The following ETV6 variants were observed in gnomAD, a reference collection of about 807,000 sequenced individuals.
ETV6 encodes ETS variant transcription factor 6, also known as transcription factor ETV6.
ETV6 carries 16 observed loss-of-function variants against 51.1 expected under a neutral mutation model. That is an observed-to-expected ratio of 0.31 (90% CI 0.21 to 0.48). The LOEUF (loss-of-function observed/expected upper bound fraction) is 0.48, where lower values mean the gene tolerates loss of function less well. Among genes scored for constraint, ETV6 ranks in the 20% least tolerant of loss-of-function variants. The pLI, the probability that ETV6 is intolerant of heterozygous loss-of-function variation, is 0.99. For missense variants in ETV6, 458 were observed against 594.8 expected, an observed-to-expected ratio of 0.77 and a Z score of 2.39; for synonymous variants, 240 against 224.1, an observed-to-expected ratio of 1.07 and a Z score of -0.64.
chr12:11,758,859 C>G (rs1428790748), intron 2 of ETV6, among the ~76,000 whole-genome samples: 2 of 152,234 alleles, frequency 1.3e-5, no homozygotes, highest in African/African-American at 4.8e-5. Context: ...CAGCCACTAG[C>G]ATTTTCTACT....
intron 1 of ETV6, among the ~76,000 whole-genome samples, chr12:11,743,023 G>T (rs1051133139): frequency 6.6e-6 from 1 of 151,950 alleles, no homozygotes; most frequent in Non-Finnish European, 1.5e-5. Context: ...GCCCAGGCTG[G>T]TCTCGAACTA....
chr12:11,768,102 G>A (rs548827056), intron 2 of ETV6, among the ~76,000 whole-genome samples: 23 of 151,800 alleles, frequency 1.5e-4, no homozygotes, highest in African/African-American at 5.6e-4. Context: ...CAGTCCCAGT[G>A]TTGACTGGTT....
intron 2 of ETV6, among the ~76,000 whole-genome samples, chr12:11,837,255 C>T (rs1463704199): frequency 6.6e-6 from 1 of 152,052 alleles, no homozygotes; most frequent in Non-Finnish European, 1.5e-5. Flanking sequence ...AGTAATGCAC[C>T]ATAAATTATT....
intron 3 of ETV6, among the ~76,000 whole-genome samples, chr12:11,848,625 C>T (rs1310210362): frequency 2.0e-5 from 3 of 152,190 alleles, no homozygotes; most frequent in Non-Finnish European, 4.4e-5. Flanking sequence ...TGTGTGCGCA[C>T]GCGCGTGTGC....
intron 3 of ETV6, among the ~76,000 whole-genome samples, chr12:11,842,748 A>T (rs75374251): frequency 0.01 from 1,562 of 152,314 alleles, 26 homozygotes; most frequent in African/African-American, 0.035. Context: ...GGGTAGATTC[A>T]TTGGCTTACT....
At chr12:11,704,952 C>T (rs1415929025) in intron 1 of ETV6, among the ~76,000 whole-genome samples, 1 of 152,108 alleles carries the variant, frequency 6.6e-6, no homozygotes, top group African/African-American at 2.4e-5. Flanking sequence ...CAGAAAGAAA[C>T]ATATTGTATG....
chr12:11,661,986 G>T (rs1864108331), intron 1 of ETV6, among the ~76,000 whole-genome samples: 1 of 152,232 alleles, frequency 6.6e-6, no homozygotes, highest in Non-Finnish European at 1.5e-5. Context: ...GCAGCGTGCT[G>T]TAAGAGTATC....
At chr12:11,885,633 A>C (rs1947171965) in intron 6 of ETV6, among the ~76,000 whole-genome samples, 1 of 152,230 alleles carries the variant, frequency 6.6e-6, no homozygotes, top group South Asian at 2.1e-4. Flanking sequence ...TCTTGGGAAA[A>C]GGAAATAAGC....
intron 2 of ETV6, among the ~76,000 whole-genome samples, chr12:11,769,549 T>C (rs1945211042): frequency 6.6e-6 from 1 of 152,164 alleles, no homozygotes; most frequent in South Asian, 2.1e-4. Context: ...TTCGAGTTCA[T>C]AGTAAGGGGA....
At position 11,742,414 on chromosome 12, in the gene ETV6, T is replaced by C. The variant is rs187930255; in HGVS notation, c.34-10036T>C. ...ATTCCTAAGAATCAGGAAATTTCTA[T>C]GATATTTGACAAGTATAGGTAGAAA... is the stretch of plus-strand genomic sequence containing the variant. On this transcript the variant is annotated intron_variant, in intron 1 of 7. Coordinates refer to ENST00000396373, the MANE Select transcript of ETV6 (RefSeq NM_001987.5). 1.4e-4 allele frequency among the ~76,000 whole-genome samples: 21 copies of C among 152,338 alleles called. 1 individual carries two copies. In the South Asian group the frequency reaches 2.5e-3, roughly 18 times the overall value.
intron 5 of ETV6, among the ~76,000 whole-genome samples, chr12:11,878,599 T>C (rs1036828201): frequency 1.3e-5 from 2 of 152,114 alleles, no homozygotes; most frequent in African/African-American, 4.8e-5. Context: ...GTGGTTCTTC[T>C]GCCCCAGGAA....
intron 2 of ETV6, among the ~76,000 whole-genome samples, chr12:11,831,050 T>G (rs1195075698): frequency 3.9e-5 from 6 of 152,204 alleles, no homozygotes; most frequent in Non-Finnish European, 5.9e-5. Context: ...TCAGAGTCAT[T>G]TGGGCTGCTC....
intron 2 of ETV6, among the ~76,000 whole-genome samples, chr12:11,827,476 G>A (rs1427687125): frequency 6.6e-6 from 1 of 152,088 alleles, no homozygotes; most frequent in African/African-American, 2.4e-5. Context: ...GTCCCTATGT[G>A]TATTTTCTGA....
At chr12:11,769,538 T>C (rs2136349921) in intron 2 of ETV6, among the ~76,000 whole-genome samples, 1 of 152,286 alleles carries the variant, frequency 6.6e-6, no homozygotes, top group South Asian at 2.1e-4. Flanking sequence ...GTAGGTGTCA[T>C]TTCGAGTTCA....
At chr12:11,689,704 T>C (rs1290879566) in intron 1 of ETV6, among the ~76,000 whole-genome samples, 2 of 152,014 alleles carry the variant, frequency 1.3e-5, no homozygotes, top group Non-Finnish European at 2.9e-5. Context: ...CTTTCTGCCA[T>C]GTCTTTTGTG....
At chr12:11,842,095 AAAAG>A (rs1281678424) in intron 3 of ETV6, among the ~76,000 whole-genome samples, 47 of 147,666 alleles carry the variant, frequency 3.2e-4, no homozygotes, top group African/African-American at 1.1e-3. Context: ...AAAAAAAAAA[AAAAG>A]AAGAAGAAGG....
intron 1 of ETV6, among the ~76,000 whole-genome samples, chr12:11,714,984 A>G (rs1173162929): frequency 1.3e-5 from 2 of 152,186 alleles, no homozygotes; most frequent in Non-Finnish European, 2.9e-5. Context: ...CAGTTTGGAG[A>G]TGATTAAAGA....
At chr12:11,692,728 G>A (rs1484405230) in intron 1 of ETV6, among the ~76,000 whole-genome samples, 1 of 152,204 alleles carries the variant, frequency 6.6e-6, no homozygotes, top group Non-Finnish European at 1.5e-5. Flanking sequence ...CTATCTAGCT[G>A]GGAGAGGCAG....
chr12:11,853,284 A>G (rs1434641146), intron 3 of ETV6, 143 bp from the exon 4 acceptor site: 2 of 835,064 alleles, frequency 2.4e-6, no homozygotes, highest in Non-Finnish European at 3.8e-6. Context: ...TCTGTGCCCC[A>G]TGAGCTTGGT....
Sources: gnomAD v4.1 joint callset for allele counts (sites outside exome capture counted in the v4.1 genomes callset) on GRCh38, gnomAD v4.1.1 for gene constraint, MANE v1.5 for transcripts, NCBI Gene and HGNC (gene_info 2026-07-23, HGNC 2026-07-21) for gene names.